CDH13: variants seen among roughly 807,000 people sequenced by gnomAD.
The protein encoded by CDH13 is cadherin 13.
In CDH13, 24 loss-of-function variants were observed where a neutral mutation model predicts 63.8. That is an observed-to-expected ratio of 0.38 (90% CI 0.27 to 0.53). CDH13 has a LOEUF of 0.53. Ranked by LOEUF, CDH13 falls within the 20% of genes least tolerant of loss-of-function variation. The pLI is 0.85. For synonymous variants in CDH13, 503 were observed against 355.3 expected (o/e 1.42, Z -4.67); for missense variants, 1,049 against 903.1 (o/e 1.16, Z -2.07).
intron 7 of CDH13, among the ~76,000 whole-genome samples, chr16:83,553,639 C>T (rs1009605669): frequency 1.3e-5 from 2 of 152,200 alleles, no homozygotes; most frequent in African/African-American, 4.8e-5. Flanking sequence ...TCACTGCAAC[C>T]TCTGCCTCTT....
intron 5 of CDH13, among the ~76,000 whole-genome samples, chr16:83,246,189 C>T (rs1256096054): frequency 6.6e-6 from 1 of 152,172 alleles, no homozygotes; most frequent in Non-Finnish European, 1.5e-5. Context: ...GTTTTGGAAT[C>T]ACTGATAAAA....
chr16:82,970,106 G>A (rs961293952), intron 2 of CDH13, among the ~76,000 whole-genome samples: 1 of 152,048 alleles, frequency 6.6e-6, no homozygotes, highest in South Asian at 2.1e-4. Context: ...CCCATCGACA[G>A]TGTGGTGTTT....
chr16:82,939,317 A>G (rs548494771), intron 2 of CDH13, among the ~76,000 whole-genome samples: 28 of 152,196 alleles, frequency 1.8e-4, no homozygotes, highest in African/African-American at 5.1e-4. Flanking sequence ...CAGCTACTCA[A>G]TAGGCTGAGA....
At chr16:83,723,453 C>T (rs1213809532) in intron 10 of CDH13, among the ~76,000 whole-genome samples, 1 of 152,216 alleles carries the variant, frequency 6.6e-6, no homozygotes, top group Middle Eastern at 3.2e-3. Flanking sequence ...TCCTCAGTGA[C>T]ATCAGCTCAC....
intron 1 of CDH13, among the ~76,000 whole-genome samples, chr16:82,651,202 C>A (rs1910681930): frequency 6.6e-6 from 1 of 152,176 alleles, no homozygotes; most frequent in African/African-American, 2.4e-5. Flanking sequence ...GACATTTTAA[C>A]AAATAAGAAA....
At chr16:82,927,300 C>G (rs2042335675) in intron 2 of CDH13, among the ~76,000 whole-genome samples, 2 of 152,174 alleles carry the variant, frequency 1.3e-5, no homozygotes. Context: ...TAAACTCCTA[C>G]TCACGGAGAG....
intron 3 of CDH13, among the ~76,000 whole-genome samples, chr16:83,093,907 G>T (rs994676563): frequency 6.6e-6 from 1 of 152,182 alleles, no homozygotes; most frequent in South Asian, 2.1e-4. Flanking sequence ...CGTAAAAGAG[G>T]CAGAAAGGAA....
intron 4 of CDH13, among the ~76,000 whole-genome samples, chr16:83,174,494 T>C (rs2038045363): frequency 6.6e-6 from 1 of 152,016 alleles, no homozygotes; most frequent in Non-Finnish European, 1.5e-5. Context: ...TGAGCCAGAA[T>C]AAAGTTTACA....
At chr16:83,132,305 T>C (rs77502020) in intron 4 of CDH13, among the ~76,000 whole-genome samples, 10,043 of 152,132 alleles carry the variant, frequency 0.066, 421 homozygotes, top group South Asian at 0.19. Flanking sequence ...CTGGGTTGTC[T>C]AGGGTAACCC....
At chr16:83,203,461 C>T (rs1335623613) in intron 4 of CDH13, among the ~76,000 whole-genome samples, 7 of 151,600 alleles carry the variant, frequency 4.6e-5, no homozygotes, top group Non-Finnish European at 1.0e-4. Flanking sequence ...CCAAGGCGGG[C>T]GGATCATGAG....
chr16:83,328,727 C>T (rs2090422563), intron 5 of CDH13, among the ~76,000 whole-genome samples: 1 of 152,146 alleles, frequency 6.6e-6, no homozygotes. Context: ...GAGCATTGGG[C>T]ACCCTGTTAG....
intron 1 of CDH13, among the ~76,000 whole-genome samples, chr16:82,765,470 T>G (rs1257034133): frequency 1.3e-5 from 2 of 152,160 alleles, no homozygotes; most frequent in African/African-American, 4.8e-5. Context: ...CTGCATTGTT[T>G]CCAACTGAAA....
chr16:83,726,465 G>A (rs1297702433), intron 10 of CDH13: 1 of 152,186 alleles, frequency 6.6e-6, no homozygotes, highest in Non-Finnish European at 1.5e-5. Context: ...AAGAAGGCAG[G>A]CCCTGCAGGG....
At position 83,681,821 on chromosome 16, in the gene CDH13, A is replaced by G. The variant is rs116779144; in HGVS notation, c.1538+3360A>G. On this transcript the variant is annotated intron_variant, in intron 10 of 13. Transcript: ENST00000567109. ...GGCCAGGATGGGAGACACTTTTCTA[A>G]TCTAATCATCTGCGCTGGGCTACCC... 7.5e-3 allele frequency among the ~76,000 whole-genome samples: 1,143 copies of G among 152,226 alleles called. 17 individuals are homozygous for G. Among genetic ancestry groups the G allele is most frequent in the African/African-American group, 0.026 (1,081 of 41,534 alleles).
At chr16:83,534,001 A>G (rs868081689) in intron 7 of CDH13, among the ~76,000 whole-genome samples, 1 of 152,218 alleles carries the variant, frequency 6.6e-6, no homozygotes, top group African/African-American at 2.4e-5. Flanking sequence ...ATAAAAATTA[A>G]CCATTTTAAA....
chr16:83,403,727 T>C (rs1176934220), intron 6 of CDH13, among the ~76,000 whole-genome samples: 1 of 152,174 alleles, frequency 6.6e-6, no homozygotes, highest in East Asian at 1.9e-4. Flanking sequence ...ACAAGCCTGC[T>C]TGGCCCCAGG....
At chr16:83,070,993 C>G (rs563071177) in intron 3 of CDH13, among the ~76,000 whole-genome samples, 170 of 152,050 alleles carry the variant, frequency 1.1e-3, no homozygotes, top group African/African-American at 3.9e-3. Flanking sequence ...ACCGTCTTAA[C>G]ATGATGCACC....
intron 7 of CDH13, among the ~76,000 whole-genome samples, chr16:83,584,360 T>A (rs1905940449): frequency 6.6e-6 from 1 of 152,126 alleles, no homozygotes; most frequent in African/African-American, 2.4e-5. Flanking sequence ...GGTTTTTGCT[T>A]CCAAGCACCT....
At chr16:82,878,933 T>C (rs2040597841) in intron 2 of CDH13, among the ~76,000 whole-genome samples, 1 of 152,140 alleles carries the variant, frequency 6.6e-6, no homozygotes, top group South Asian at 2.1e-4. Context: ...CCTCACCTTC[T>C]CTGAGGTGAC....
Sources: gnomAD v4.1 joint callset for allele counts (sites outside exome capture counted in the v4.1 genomes callset) on GRCh38, gnomAD v4.1.1 for gene constraint, MANE v1.5 for transcripts, NCBI Gene and HGNC (gene_info 2026-07-23, HGNC 2026-07-21) for gene names.